The following GRIN1 variants were observed in gnomAD, a reference collection of about 807,000 sequenced individuals.
GRIN1 encodes the protein glutamate ionotropic receptor NMDA type subunit 1, also known as glutamate receptor ionotropic, NMDA 1.
Under a neutral mutation model 103.0 loss-of-function variants are expected in GRIN1, and 38 were observed. The observed-to-expected ratio is 0.37, with a 90% CI of 0.28 to 0.48. The LOEUF (loss-of-function observed/expected upper bound fraction) is 0.48, where lower values mean the gene tolerates loss of function less well. GRIN1 is among the 20% of genes least tolerant of loss of function. GRIN1 has a pLI of 0.98. For synonymous variants in GRIN1, 544 were observed against 532.7 expected (o/e 1.02, Z -0.29); for missense variants, 577 against 1,288.9 (o/e 0.45, Z 8.46).
At chr9:137,165,366 A>G in intron 19 of GRIN1, 70 bp downstream of exon 19, 1 of 974,372 alleles carries the variant, frequency 1.0e-6, no homozygotes, top group Non-Finnish European at 1.7e-6. Context: ...CTCCCGCCCC[A>G]TCACCCCGCC....
chr9:137,151,418 C>G (rs1057309546), intron 4 of GRIN1, among the ~76,000 whole-genome samples: 1 of 149,532 alleles, frequency 6.7e-6, no homozygotes, highest in Non-Finnish European at 1.5e-5. Context: ...AGGGAAAACT[C>G]CACCCAGAAA....
In GRIN1 at chr9:137,146,684, C is replaced by T. The variant is rs1001183998; in HGVS notation, c.570+782C>T. On this transcript the variant is annotated intron_variant, in intron 3 of 19. Transcript: ENST00000371561. This position sits in a 1 kb window ranked among gnomAD's most constrained non-coding sequence, Gnocchi z 6.7. ...GGCAGAGCTGGTTCTCGGCTACAGA[C>T]CCCCGGAGCCCTGGGTGCTCAGCAC... is the stretch of plus-strand genomic sequence containing the variant. Among the ~76,000 whole-genome samples the T allele has an allele frequency of 6.6e-6, 1 of 152,140 alleles. No individual in the cohort carries two copies. Among genetic ancestry groups the T allele is most frequent in the Non-Finnish European group, 1.5e-5 (1 of 68,020 alleles).
intron 3 of GRIN1, among the ~76,000 whole-genome samples, chr9:137,148,409 C>T (rs1238775381): frequency 1.3e-5 from 2 of 152,296 alleles, no homozygotes; most frequent in East Asian, 1.9e-4. Flanking sequence ...GCCCACCCGC[C>T]GTGACCCTAG....
At chr9:137,152,290 T>C (rs1421799554) in intron 4 of GRIN1, among the ~76,000 whole-genome samples, 1 of 152,198 alleles carries the variant, frequency 6.6e-6, no homozygotes, top group Non-Finnish European at 1.5e-5. Context: ...GTAGCTGTGA[T>C]GGGATAAAAG....
intron 4 of GRIN1, among the ~76,000 whole-genome samples, chr9:137,150,547 G>C (rs1276845086): frequency 7.3e-6 from 1 of 136,606 alleles, no homozygotes. Flanking sequence ...CCAAAGGAAA[G>C]CCCAGCCCAG....
intron 2 of GRIN1, among the ~76,000 whole-genome samples, chr9:137,143,709 C>T (rs1452230258): frequency 1.3e-5 from 2 of 152,250 alleles, no homozygotes; most frequent in African/African-American, 4.8e-5. Flanking sequence ...GCCACCACGT[C>T]ACCAGGTGGA....
chr9:137,156,603 T>G, intron 4 of GRIN1, 66 bp from the exon 5 acceptor site: 1 of 1,568,476 alleles, frequency 6.4e-7, no homozygotes, highest in Non-Finnish European at 8.6e-7. Context: ...GAGGAGGACC[T>G]GGGCCTGCGG....
chr9:137,139,785 C>T lies in GRIN1; in HGVS notation c.258+41C>T, dbSNP rs1223210906. 1.0e-5 allele frequency: 15 copies of T among 1,488,232 alleles called. No homozygotes were observed. In the East Asian group the frequency reaches 3.4e-4, roughly 34 times the overall value. 92.2% of individuals were successfully genotyped at this position (1,488,232 alleles called of 1,614,324 possible). On this transcript the variant is annotated intron_variant, in intron 1 of 19. Coordinates refer to ENST00000371561, the MANE Select transcript of GRIN1 (RefSeq NM_007327.4). This position sits in a 1 kb window ranked among gnomAD's most constrained non-coding sequence, Gnocchi z 7.7. Reference sequence around the variant, plus strand: ...TCCGCCACCCACCTCCCCTCTCCTCCATCCTGCAACCCCACACCCCCAGTT... The same window carrying T: ...TCCGCCACCCACCTCCCCTCTCCTCTATCCTGCAACCCCACACCCCCAGTT...
At chr9:137,148,076 T>C in intron 3 of GRIN1, 1 of 1,001,456 alleles carries the variant, frequency 1.0e-6, no homozygotes, top group Non-Finnish European at 1.5e-6. Context: ...GTGTGATTGC[T>C]TTAGCGCCGT....
intron 4 of GRIN1, among the ~76,000 whole-genome samples, chr9:137,150,854 A>C (rs1832823027): frequency 6.8e-6 from 1 of 146,394 alleles, no homozygotes; most frequent in Non-Finnish European, 1.5e-5. Context: ...GGCCAGATAA[A>C]AGCTCAGCCC....
Position 137,156,879 on chromosome 9 carries a change from G to A in GRIN1, c.810G>A (p.Gln270=). The A allele has an allele frequency of 2.5e-6, 4 of 1,612,008 alleles. No individual in the cohort carries two copies. The highest frequency in any genetic ancestry group is 8.5e-7 in the Non-Finnish European group (1 of 1,179,648). ...RYAPDGILGL[Q]LINGKNESAH... is the part of the protein sequence containing the mutation. ...CTCGCCTAGGCATCCTCGGGCTGCA[G>A]CTCATCAACGGCAAGAACGAGTCGG... The change falls in exon 6 of 20, where the codon CAG becomes CAA. Residue 270 remains glutamine, a synonymous_variant. Coordinates refer to ENST00000371561, the MANE Select transcript of GRIN1 (RefSeq NM_007327.4).
At chr9:137,161,250 C>T (rs781053419) in intron 9 of GRIN1, 39 bp from the exon 10 acceptor site, 1 of 1,610,774 alleles carries the variant, frequency 6.2e-7, no homozygotes, top group Non-Finnish European at 8.5e-7. Flanking sequence ...GGGCGTGGGG[C>T]GGTCTGGAGC....
rs1833954348 is a variant in GRIN1, at chr9:137,167,664, G to A, written c.*137G>A. ...GCACCCCCAGCCTCCCCCAGGCTGC[G>A]CCTGCCCGCCCGCCGGTTGGCCGGC... On this transcript the variant is annotated 3_prime_UTR_variant, in exon 20 of 20. Transcript: ENST00000371561. 1 of 1,525,468 alleles carries A rather than the reference G, an allele frequency of 6.6e-7. No homozygotes were observed. The highest frequency in any genetic ancestry group is 2.2e-5 in the Admixed American group (1 of 46,230). 94.5% of individuals were successfully genotyped at this position (1,525,468 alleles called of 1,614,324 possible).
chr9:137,140,310 G>A (rs1564339206), intron 1 of GRIN1, among the ~76,000 whole-genome samples: 2 of 152,208 alleles, frequency 1.3e-5, no homozygotes, highest in Non-Finnish European at 2.9e-5. Context: ...GCGCTGCGGG[G>A]GAGGACGTGG....
In GRIN1 at chr9:137,162,745, G is replaced by C; in HGVS notation, c.2013+6G>C. 6.2e-7 allele frequency: 1 copy of C among 1,602,760 alleles called. No individual in the cohort carries two copies. Among genetic ancestry groups the C allele is most frequent in the Non-Finnish European group, 8.5e-7 (1 of 1,175,454 alleles). On this transcript the variant is annotated splice_donor_region_variant and intron_variant, in intron 14 of 19. Coordinates refer to ENST00000371561, the MANE Select transcript of GRIN1 (RefSeq NM_007327.4). The stretch of plus-strand genomic sequence containing the variant: ...CGGGCATCAACGACCCTCGGGTGAG[G>C]CCTGGCCGGGCTGGGGGAGGGAATG...
Position 137,167,487 on chromosome 9 carries a change from A to G in GRIN1, c.2777A>G (p.Glu926Gly), listed in dbSNP as rs1259028530. ...VLPRRAIERE[E>G]GQLQLCSRHR... ...CCGCGACGCGCTATTGAGAGGGAGGAGGGCCAGCTGCAGCTGTGTTCCCGT... is the reference window on the plus strand; with the variant it reads ...CCGCGACGCGCTATTGAGAGGGAGGGGGGCCAGCTGCAGCTGTGTTCCCGT... Residue 926 changes from glutamate (E) to glycine (G), a missense_variant, in exon 20 of 20, where the codon GAG becomes GGG. By Grantham distance (98) the Glu-to-Gly change is moderately conservative (BLOSUM62 -2). Coordinates refer to ENST00000371561, the MANE Select transcript of GRIN1 (RefSeq NM_007327.4). 2 of 1,558,700 alleles carry G rather than the reference A, an allele frequency of 1.3e-6. No homozygotes were observed. Among genetic ancestry groups the G allele is most frequent in the Non-Finnish European group, 1.7e-6 (2 of 1,151,370 alleles).
Position 137,163,343 on chromosome 9 carries a change from G to T in GRIN1, c.2333+13G>T. 6.2e-7 allele frequency: 1 copy of T among 1,612,986 alleles called. No individual in the cohort carries two copies. The highest frequency in any genetic ancestry group is 8.5e-7 in the Non-Finnish European group (1 of 1,179,792). On this transcript the variant is annotated intron_variant, in intron 16 of 19. Coordinates refer to ENST00000371561, the MANE Select transcript of GRIN1 (RefSeq NM_007327.4). ...TGTCCATCCTCAAGTGAGTGTCCGT[G>T]CGCCCGCGTCCCTCCTCCGCCCCTC...
Position 137,161,189 on chromosome 9 carries a change from C to A in GRIN1, c.1331C>A (p.Pro444Gln). The change falls in exon 9 of 20, where the codon CCG becomes CAG. Residue 444 changes from proline (P) to glutamine (Q), a missense_variant. By Grantham distance (76) the Pro-to-Gln change is moderately conservative (BLOSUM62 -1). This residue lies in a region of GRIN1 where 96 missense variants were observed against 145.0 expected (regional missense o/e 0.66). Coordinates refer to ENST00000371561, the MANE Select transcript of GRIN1 (RefSeq NM_007327.4). ...VICTGPNDTS[P>Q]GSPRHTVPQC... Reference sequence around the variant, plus strand: ...TGCACCGGGCCCAACGACACGTCGCCGGGCAGCCGTGAGTGCGCGGGGCAG... The same window carrying A: ...TGCACCGGGCCCAACGACACGTCGCAGGGCAGCCGTGAGTGCGCGGGGCAG... The A allele has an allele frequency of 6.2e-7, 1 of 1,608,686 alleles. No homozygotes were observed. The highest frequency in any genetic ancestry group is 8.5e-7 in the Non-Finnish European group (1 of 1,178,492).
Position 137,146,371 on chromosome 9 carries a change from G to A in GRIN1, c.570+469G>A, listed in dbSNP as rs900636437. On this transcript the variant is annotated intron_variant, in intron 3 of 19. Coordinates refer to ENST00000371561, the MANE Select transcript of GRIN1 (RefSeq NM_007327.4). This position sits in a 1 kb window ranked among gnomAD's most constrained non-coding sequence, Gnocchi z 6.7. ...GGGCCCATTCCCTGTCCTCCCCCGC[G>A]TGGCCTCCCCTGAAGCTCTGCACCT... is the stretch of plus-strand genomic sequence containing the variant. Among the ~76,000 whole-genome samples, 1 of 150,090 alleles carries A rather than the reference G, an allele frequency of 6.7e-6. No homozygotes were observed. The highest frequency in any genetic ancestry group is 1.5e-5 in the Non-Finnish European group (1 of 67,692).
Sources: gnomAD v4.1 joint callset for allele counts (sites outside exome capture counted in the v4.1 genomes callset) on GRCh38, gnomAD v4.1.1 for gene constraint, gnomAD v4.1.1 regional missense constraint, Gnocchi (gnomAD v3.1) non-coding constraint, MANE v1.5 for transcripts, NCBI Gene and HGNC (gene_info 2026-07-23, HGNC 2026-07-21) for gene names.